Variants in PPIL1 observed in about 807,000 individuals in gnomAD.
The protein encoded by PPIL1 is peptidylprolyl isomerase like 1.
Under a neutral mutation model 19.4 loss-of-function variants are expected in PPIL1, and 14 were observed. The observed-to-expected ratio is 0.72, with a 90% CI of 0.48 to 1.13. PPIL1 has a LOEUF of 1.13. PPIL1 is among the 50% of genes most tolerant of loss of function. PPIL1 has a pLI of 0.00. For synonymous variants in PPIL1, 72 were observed against 73.6 expected (o/e 0.98, Z 0.11); for missense variants, 192 against 218.0 (o/e 0.88, Z 0.75).
chr6:36,863,816 C>T (rs1426176513), intron 2 of PPIL1, among the ~76,000 whole-genome samples: 6 of 151,714 alleles, frequency 4.0e-5, no homozygotes, highest in Non-Finnish European at 8.8e-5. Flanking sequence ...GATCCACACT[C>T]GATGTCACCC....
chr6:36,869,683 C>T (rs1774468431), intron 2 of PPIL1, among the ~76,000 whole-genome samples: 1 of 152,116 alleles, frequency 6.6e-6, no homozygotes, highest in South Asian at 2.1e-4. Flanking sequence ...ACGTAGGACC[C>T]ACACTGTAGC....
chr6:36,861,947 C>T (rs576907214), intron 2 of PPIL1, among the ~76,000 whole-genome samples: 10 of 152,294 alleles, frequency 6.6e-5, no homozygotes, highest in Non-Finnish European at 1.5e-4. Flanking sequence ...CTGCCTACCT[C>T]GGCTTCCCAA....
In PPIL1 at chr6:36,871,684, A is replaced by T. The variant is rs1187658654; in HGVS notation, c.211+34T>A. 1.9e-6 allele frequency: 3 copies of T among 1,561,728 alleles called. No homozygotes were observed. The African/African-American group carries it at 4.2e-5, about 22-fold the overall frequency. ...AAAAAGACGAAAAGGAGAAAAAAAA[A>T]AGAAAACATAAACTAATGTTGGCTT... On this transcript the variant is annotated intron_variant, in intron 2 of 3. Transcript: ENST00000373699.
chr6:36,872,634 G>C (rs898987233), intron 1 of PPIL1, among the ~76,000 whole-genome samples: 1 of 151,586 alleles, frequency 6.6e-6, no homozygotes, highest in East Asian at 1.9e-4. Context: ...TTTGAGAAAG[G>C]GTCTCCTCTG....
chr6:36,870,462 G>A (rs986676787), intron 2 of PPIL1, among the ~76,000 whole-genome samples: 6 of 152,062 alleles, frequency 3.9e-5, no homozygotes, highest in Non-Finnish European at 5.9e-5. Flanking sequence ...TCAACTAACC[G>A]CGACTGAAAA....
At chr6:36,856,501 TCAGG>T (rs1315008196) in intron 3 of PPIL1, 81 bp downstream of exon 3, 2 of 1,235,702 alleles carry the variant, frequency 1.6e-6, no homozygotes, top group African/African-American at 2.9e-5. Flanking sequence ...TGCCACGGTG[TCAGG>T]CATTCACCTT....
chr6:36,860,762 CTAA>C (rs770085161), intron 2 of PPIL1, among the ~76,000 whole-genome samples: 1 of 117,792 alleles, frequency 8.5e-6, no homozygotes, highest in Non-Finnish European at 1.7e-5. Flanking sequence ...ATATGTATCC[CTAA>C]AAAAAAAAAA....
intron 2 of PPIL1, among the ~76,000 whole-genome samples, chr6:36,867,932 T>C (rs939995275): frequency 6.6e-6 from 1 of 151,788 alleles, no homozygotes; most frequent in Admixed American, 6.6e-5. Context: ...AAGTAAAAGG[T>C]GGGGATAATG....
intron 2 of PPIL1, among the ~76,000 whole-genome samples, chr6:36,867,601 G>A (rs891143680): frequency 1.2e-4 from 18 of 152,350 alleles, no homozygotes; most frequent in African/African-American, 4.3e-4. Context: ...GGCAGGGCAG[G>A]CACGCAGGGC....
chr6:36,872,891 G>A (rs1382667864), intron 1 of PPIL1, among the ~76,000 whole-genome samples: 1 of 152,194 alleles, frequency 6.6e-6, no homozygotes, highest in Non-Finnish European at 1.5e-5. Flanking sequence ...TTACAGATGT[G>A]AGCTATGGCA....
chr6:36,855,848 CGTCCACAGGGCG>C lies in PPIL1; in HGVS notation c.454_465del (p.Arg152_Asp155del). On this transcript the variant is annotated inframe_deletion, in exon 4 of 4. Transcript: ENST00000373699. ...GGGTATGCCTTAATGATCTTCACGT[CGTCCACAGGGCG>C]GTCCTGGGAGTTTGTTTCTACCATT... is the stretch of plus-strand genomic sequence containing the variant. 6.2e-6 allele frequency: 10 copies of C among 1,614,156 alleles called. No homozygotes were observed. Among genetic ancestry groups the C allele is most frequent in the Non-Finnish European group, 8.5e-6 (10 of 1,180,024 alleles).
At position 36,855,658 on chromosome 6, in the gene PPIL1, T is replaced by C. The variant is rs1774150327; in HGVS notation, c.*155A>G. ...AGAGAAAAGAAGCATCCTATTAAAA[T>C]GTACTTCCATCTCTAACTCACCCAA... On this transcript the variant is annotated 3_prime_UTR_variant, in exon 4 of 4. Coordinates refer to ENST00000373699, the MANE Select transcript of PPIL1 (RefSeq NM_016059.5). 2.9e-6 allele frequency: 2 copies of C among 701,742 alleles called. No homozygotes were observed. The highest frequency in any genetic ancestry group is 5.4e-5 in the East Asian group (2 of 36,752). 43.5% of individuals were successfully genotyped at this position (701,742 alleles called of 1,614,324 possible).
At chr6:36,869,262 T>C (rs2150659305) in intron 2 of PPIL1, among the ~76,000 whole-genome samples, 2 of 152,286 alleles carry the variant, frequency 1.3e-5, no homozygotes, top group South Asian at 4.1e-4. Context: ...GGCTTACAGG[T>C]GTGAGCCACC....
chr6:36,855,801 A>G lies in PPIL1; in HGVS notation c.*12T>C. ...GGCCATCTCAGAAGAGCTGCTCAAG[A>G]GGGTAGCAAGTCTACCCAGAAGGGT... On this transcript the variant is annotated 3_prime_UTR_variant, in exon 4 of 4. Coordinates refer to ENST00000373699, the MANE Select transcript of PPIL1 (RefSeq NM_016059.5). The G allele has an allele frequency of 6.2e-7, 1 of 1,611,616 alleles. No individual in the cohort carries two copies. Among genetic ancestry groups the G allele is most frequent in the South Asian group, 1.1e-5 (1 of 91,024 alleles).
Position 36,871,816 on chromosome 6 carries a change from T to A in PPIL1, c.113A>T (p.Asn38Ile). ...ACCTCGACGAGCCAACTCAGCAAAG[T>A]TCTTACAGGTCTTTGGAGCATGCTT... The part of the protein sequence containing the change: ...YWKHAPKTCK[N>I]FAELARRGYY... Residue 38 changes from asparagine (N) to isoleucine (I), a missense_variant, in exon 2 of 4, where the codon AAC becomes ATC. Coordinates refer to ENST00000373699, the MANE Select transcript of PPIL1 (RefSeq NM_016059.5). 3 of 1,611,760 alleles carry A rather than the reference T, an allele frequency of 1.9e-6. No individual in the cohort carries two copies. Among genetic ancestry groups the A allele is most frequent in the Non-Finnish European group, 2.5e-6 (3 of 1,179,168 alleles).
chr6:36,857,660 G>A (rs1379156616), intron 2 of PPIL1, among the ~76,000 whole-genome samples: 1 of 151,754 alleles, frequency 6.6e-6, no homozygotes, highest in Non-Finnish European at 1.5e-5. Context: ...GCACATGCCT[G>A]TAGTCCCAGC....
At chr6:36,865,015 C>T (rs1465537183) in intron 2 of PPIL1, among the ~76,000 whole-genome samples, 1 of 152,058 alleles carries the variant, frequency 6.6e-6, no homozygotes, top group Non-Finnish European at 1.5e-5. Flanking sequence ...TGTTTGAGCT[C>T]CCACTTTGTG....
Position 36,855,958 on chromosome 6 carries a change from G to A in PPIL1, c.356C>T (p.Thr119Ile), listed in dbSNP as rs769575987. 3.7e-6 allele frequency: 6 copies of A among 1,614,106 alleles called. No homozygotes were observed. The highest frequency in any genetic ancestry group is 2.7e-5 in the African/African-American group (2 of 74,928). Residue 119 changes from threonine to isoleucine, a missense_variant, in exon 4 of 4, where the codon ACC (threonine) becomes ATC (isoleucine). Physicochemically the swap from Thr to Ile is moderately conservative, Grantham distance 89 (BLOSUM62 -1). Transcript: ENST00000373699. ...GSQFFVTLAP[T>I]QWLDGKHTIF... ...GGTGTGTTTGCCGTCAAGCCACTGG[G>A]TGGGGGCGAGGGTCACAAAGAACTG... is the stretch of plus-strand genomic sequence containing the variant.
intron 2 of PPIL1, among the ~76,000 whole-genome samples, chr6:36,866,745 A>AGG (rs1205612745): frequency 6.6e-6 from 1 of 152,084 alleles, no homozygotes. Context: ...TAACAACATG[A>AGG]GGGGGAGAGA....
Sources: allele counts gnomAD v4.1 joint callset (sites outside exome capture counted in the v4.1 genomes callset), GRCh38; gene constraint gnomAD v4.1.1; transcripts MANE v1.5; gene names NCBI Gene and HGNC (gene_info 2026-07-23, HGNC 2026-07-21).